The following WRN variants were observed in gnomAD, a reference collection of about 807,000 sequenced individuals.
WRN encodes WRN RecQ like helicase.
Under a neutral mutation model 180.7 loss-of-function variants are expected in WRN, and 149 were observed. The ratio of observed to expected loss-of-function variants is 0.82; its 90% CI spans 0.72 to 0.94. The LOEUF (loss-of-function observed/expected upper bound fraction) is 0.94. Among genes scored for constraint, WRN ranks in the 40% least tolerant of loss-of-function variants. The pLI, the probability that WRN is intolerant of heterozygous loss-of-function variation, is 0.00. For synonymous variants in WRN, 548 were observed against 568.9 expected, an observed-to-expected ratio of 0.96 and a Z score of 0.52; for missense variants, 1,661 against 1,700.1, an observed-to-expected ratio of 0.98 and a Z score of 0.40.
chr8:31,143,164 C>T (rs1029533726), intron 27 of WRN, among the ~76,000 whole-genome samples: 4 of 151,978 alleles, frequency 2.6e-5, no homozygotes, highest in African/African-American at 9.7e-5. Context: ...AATACTAATC[C>T]ACTGGCAGAC....
chr8:31,150,094 C>T (rs1375360301), intron 30 of WRN, among the ~76,000 whole-genome samples: 1 of 152,100 alleles, frequency 6.6e-6, no homozygotes. Context: ...TGACAATGTC[C>T]TGTTTACCAA....
intron 18 of WRN, among the ~76,000 whole-genome samples, chr8:31,104,117 G>A (rs1800992537): frequency 6.6e-6 from 1 of 152,042 alleles, no homozygotes; most frequent in Non-Finnish European, 1.5e-5. Flanking sequence ...GTCCAGGAGT[G>A]TATTTTTAGT....
rs1427749717 is a variant in WRN at position 31,111,808 on chromosome 8, T to A, written c.2273+9T>A. 1 of 1,613,784 alleles carries A rather than the reference T, an allele frequency of 6.2e-7. No homozygotes were observed. The highest frequency in any genetic ancestry group is 8.5e-7 in the Non-Finnish European group (1 of 1,179,906). ...TTTCTTGTCAAAACAAGGTAAGGAT[T>A]TAATGGTTGATGAATTTTGGTAATG... On this transcript the variant is annotated intron_variant, in intron 19 of 34. Coordinates refer to ENST00000298139, the MANE Select transcript of WRN (RefSeq NM_000553.6).
intron 1 of WRN, 70 bp from the exon 2 acceptor site, chr8:31,058,302 C>T (rs1812353102): frequency 3.0e-6 from 2 of 671,228 alleles, no homozygotes; most frequent in Admixed American, 4.6e-5. Flanking sequence ...TATGCTTGGA[C>T]CTAGGTGTCA....
At chr8:31,142,360 T>G (rs1264888196) in intron 26 of WRN, among the ~76,000 whole-genome samples, 6 of 152,352 alleles carry the variant, frequency 3.9e-5, no homozygotes, top group Non-Finnish European at 7.4e-5. Context: ...TATATCATAT[T>G]TACTTCTGGT....
intron 1 of WRN, among the ~76,000 whole-genome samples, chr8:31,057,744 G>GTT (rs897203425): frequency 1.4e-5 from 2 of 144,546 alleles, no homozygotes. Flanking sequence ...AATATGTTCT[G>GTT]TTTTTTTTTT....
chr8:31,094,253 A>G (rs778116660), intron 16 of WRN, among the ~76,000 whole-genome samples: 6 of 152,138 alleles, frequency 3.9e-5, no homozygotes, highest in African/African-American at 7.2e-5. Flanking sequence ...ATAATATATA[A>G]CCATCATAAT....
chr8:31,138,578 A>T (rs1445498042), intron 24 of WRN, among the ~76,000 whole-genome samples: 1 of 152,202 alleles, frequency 6.6e-6, no homozygotes, highest in African/African-American at 2.4e-5. Flanking sequence ...ACTTTTAAAC[A>T]TTCTACTCAA....
chr8:31,128,234 C>G (rs888381492), intron 23 of WRN, among the ~76,000 whole-genome samples: 2 of 152,172 alleles, frequency 1.3e-5, no homozygotes, highest in South Asian at 2.1e-4. Context: ...AATTAGTACA[C>G]TGTAGAAAAT....
At chr8:31,101,047 C>T (rs1814207598) in intron 18 of WRN, 92 bp downstream of exon 18, 1 of 1,029,248 alleles carries the variant, frequency 9.7e-7, no homozygotes, top group Non-Finnish European at 1.5e-6. Flanking sequence ...GAAGACTTCA[C>T]TATAAAAGAG....
intron 23 of WRN, among the ~76,000 whole-genome samples, chr8:31,127,733 C>T (rs994121923): frequency 6.6e-6 from 1 of 151,582 alleles, no homozygotes; most frequent in Non-Finnish European, 1.5e-5. Flanking sequence ...GGCAAAAAAC[C>T]GAGACTGTGT....
At chr8:31,137,021 G>A (rs1237522425) in intron 24 of WRN, among the ~76,000 whole-genome samples, 1 of 147,008 alleles carries the variant, frequency 6.8e-6, no homozygotes, top group Non-Finnish European at 1.5e-5. Flanking sequence ...TTAAGCATTT[G>A]TTGTTGAAAT....
chr8:31,044,501 C>T (rs992146540), intron 1 of WRN, among the ~76,000 whole-genome samples: 4 of 151,754 alleles, frequency 2.6e-5, no homozygotes, highest in South Asian at 2.1e-4. Context: ...GGATTACAGG[C>T]GCCCGCCACC....
intron 23 of WRN, among the ~76,000 whole-genome samples, chr8:31,129,910 CAGG>C (rs1802079555): frequency 6.7e-6 from 1 of 148,222 alleles, no homozygotes; most frequent in African/African-American, 2.5e-5. Flanking sequence ...GAGGCTGAGG[CAGG>C]AGAATCGCTT....
intron 21 of WRN, among the ~76,000 whole-genome samples, chr8:31,121,187 C>CTA (rs1224030971): frequency 2.0e-5 from 3 of 151,908 alleles, no homozygotes; most frequent in East Asian, 3.9e-4. Context: ...GGAGAAAAAC[C>CTA]TATACATGGT....
chr8:31,087,657 C>A (rs1813584440), intron 11 of WRN, 119 bp from the exon 12 acceptor site: 3 of 964,036 alleles, frequency 3.1e-6, no homozygotes, highest in African/African-American at 1.6e-5. Context: ...GTATGGCTTG[C>A]ACATCTGCCA....
At chr8:31,113,353 A>C (rs1801391754) in intron 19 of WRN, among the ~76,000 whole-genome samples, 1 of 152,204 alleles carries the variant, frequency 6.6e-6, no homozygotes, top group African/African-American at 2.4e-5. Context: ...ACCTTAAGGA[A>C]TAATTGAAAT....
intron 1 of WRN, 140 bp from the exon 2 acceptor site, chr8:31,058,232 A>G (rs1306920380): frequency 4.0e-6 from 2 of 502,986 alleles, no homozygotes; most frequent in South Asian, 2.5e-5. Flanking sequence ...TACTAAATGT[A>G]TAATTATTAG....
intron 30 of WRN, among the ~76,000 whole-genome samples, chr8:31,149,455 G>GTTTTTTTTTTTTTTTTT (rs71208105): frequency 3.8e-5 from 2 of 51,974 alleles, no homozygotes; most frequent in African/African-American, 1.5e-4. Flanking sequence ...TAATAGAGGT[G>GTTTTTTTTTTTTTTTTT]TTTTTTTTTT....
Sources: gnomAD v4.1 joint callset for allele counts (sites outside exome capture counted in the v4.1 genomes callset) on GRCh38, gnomAD v4.1.1 for gene constraint, MANE v1.5 for transcripts, NCBI Gene and HGNC (gene_info 2026-07-23, HGNC 2026-07-21) for gene names.